The following RYR3 variants were observed in gnomAD, a reference collection of about 807,000 sequenced individuals.
RYR3 encodes ryanodine receptor 3.
RYR3 carries 207 observed loss-of-function variants against 584.3 expected under a neutral mutation model. That is an observed-to-expected ratio of 0.35 (90% CI 0.32 to 0.40). The LOEUF (loss-of-function observed/expected upper bound fraction) is 0.40. Among genes scored for constraint, RYR3 ranks in the 10% least tolerant of loss-of-function variants. The pLI is 1.00. For missense variants in RYR3, 5,616 were observed against 6,089.2 expected, an observed-to-expected ratio of 0.92 and a Z score of 2.59; for synonymous variants, 2,416 against 2,248.5, an observed-to-expected ratio of 1.07 and a Z score of -2.11.
intron 12 of RYR3, among the ~76,000 whole-genome samples, chr15:33,575,291 A>G (rs745520591): frequency 7.2e-5 from 11 of 152,222 alleles, no homozygotes; most frequent in Non-Finnish European, 1.3e-4. Flanking sequence ...AAATGTCTAC[A>G]TAACTCTCCA....
chr15:33,627,278 AAATAAT>A (rs969797191), intron 20 of RYR3, among the ~76,000 whole-genome samples: 11 of 152,290 alleles, frequency 7.2e-5, no homozygotes, highest in Admixed American at 7.2e-4. Flanking sequence ...ATAAACATGA[AAATAAT>A]AATAATAAAA....
intron 99 of RYR3, chr15:33,859,192 A>AG (rs2080068208): frequency 5.7e-6 from 1 of 174,332 alleles, no homozygotes; most frequent in Non-Finnish European, 1.2e-5. Context: ...GATGAAGAAG[A>AG]GGGGGGACCT....
At chr15:33,756,257 T>G (rs771751811) in intron 58 of RYR3, 49 bp from the exon 59 acceptor site, 3 of 1,320,914 alleles carry the variant, frequency 2.3e-6, no homozygotes, top group Non-Finnish European at 2.1e-6. Flanking sequence ...TTGTGACTGA[T>G]TTTTACTTCG....
intron 3 of RYR3, among the ~76,000 whole-genome samples, chr15:33,512,043 G>C (rs1214817618): frequency 6.6e-6 from 1 of 152,212 alleles, no homozygotes; most frequent in Non-Finnish European, 1.5e-5. Context: ...CTTCCAAAGT[G>C]CTGGGATTAC....
chr15:33,461,708 C>T (rs1358940954), intron 1 of RYR3, among the ~76,000 whole-genome samples: 1 of 152,172 alleles, frequency 6.6e-6, no homozygotes, highest in African/African-American at 2.4e-5. Flanking sequence ...GCAGCTCAGC[C>T]TAGGGCAGAA....
intron 17 of RYR3, among the ~76,000 whole-genome samples, chr15:33,601,827 G>A (rs774400126): frequency 5.3e-5 from 8 of 152,208 alleles, no homozygotes; most frequent in Admixed American, 1.3e-4. Flanking sequence ...GTGGCCTACC[G>A]TGTTTTCTTT....
chr15:33,485,122 A>G (rs1466651680), intron 2 of RYR3, among the ~76,000 whole-genome samples: 1 of 152,242 alleles, frequency 6.6e-6, no homozygotes, highest in African/African-American at 2.4e-5. Flanking sequence ...ACAGAAATCA[A>G]GAGAAGAATA....
At chr15:33,695,097 C>T (rs2065741995) in intron 38 of RYR3, among the ~76,000 whole-genome samples, 1 of 152,206 alleles carries the variant, frequency 6.6e-6, no homozygotes, top group Non-Finnish European at 1.5e-5. Context: ...GACTGAGTGA[C>T]CTTCATTGTC....
At chr15:33,616,719 G>T (rs891995712) in intron 19 of RYR3, among the ~76,000 whole-genome samples, 1 of 152,182 alleles carries the variant, frequency 6.6e-6, no homozygotes, top group African/African-American at 2.4e-5. Context: ...GTGTGCAGCG[G>T]GGCTTGAAGT....
chr15:33,498,746 T>C (rs1246424672), intron 2 of RYR3, among the ~76,000 whole-genome samples: 1 of 152,184 alleles, frequency 6.6e-6, no homozygotes, highest in African/African-American at 2.4e-5. Flanking sequence ...TCATAAAATA[T>C]TTGTCCACAC....
chr15:33,473,355 G>A, intron 1 of RYR3, 64 bp from the exon 2 acceptor site: 2 of 1,606,314 alleles, frequency 1.2e-6, no homozygotes, highest in Non-Finnish European at 1.7e-6. Flanking sequence ...GGTACAGGAA[G>A]GTGACTCGGG....
At chr15:33,817,115 G>A (rs1172691868) in intron 75 of RYR3, among the ~76,000 whole-genome samples, 157 bp downstream of exon 75, 3 of 152,326 alleles carry the variant, frequency 2.0e-5, no homozygotes, top group South Asian at 2.1e-4. Flanking sequence ...CCCTGCTAAT[G>A]GTCATAGGAG....
intron 1 of RYR3, among the ~76,000 whole-genome samples, chr15:33,389,858 C>G (rs1474821281): frequency 6.6e-6 from 1 of 152,168 alleles, no homozygotes; most frequent in Non-Finnish European, 1.5e-5. Context: ...TTACATGCAG[C>G]TATTTCACCT....
rs11631818 is a variant in RYR3 at position 33,596,496 on chromosome 15, G to T, written c.1789-4923G>T. On this transcript the variant is annotated intron_variant, in intron 16 of 103. Coordinates refer to ENST00000634891, the MANE Select transcript of RYR3 (RefSeq NM_001036.6). ...ACCAACTCAATATTGTTCTTTTTTT[G>T]GGGGGGGGGGATTTCTGACTTCTTT... is the stretch of plus-strand genomic sequence containing the variant. 7.5e-3 allele frequency among the ~76,000 whole-genome samples: 101 copies of T among 13,420 alleles called. 3 individuals carry two copies. In the East Asian group the frequency reaches 0.13, roughly 18 times the overall value. 8.8% of individuals were successfully genotyped at this position (13,420 alleles called of 152,430 possible).
At chr15:33,695,830 G>A in intron 38 of RYR3, among the ~76,000 whole-genome samples, 1 of 151,182 alleles carries the variant, frequency 6.6e-6, no homozygotes, top group Non-Finnish European at 1.5e-5. Context: ...CTGTTGCCCA[G>A]GCTGCAGTGC....
At chr15:33,375,870 C>T (rs1469552799) in intron 1 of RYR3, among the ~76,000 whole-genome samples, 1 of 152,150 alleles carries the variant, frequency 6.6e-6, no homozygotes, top group Non-Finnish European at 1.5e-5. Flanking sequence ...TGAGACCATC[C>T]TGGCTAACAC....
chr15:33,627,662 G>A (rs1223954075), intron 20 of RYR3, among the ~76,000 whole-genome samples: 1 of 152,242 alleles, frequency 6.6e-6, no homozygotes, highest in East Asian at 1.9e-4. Context: ...CACTGTGTAT[G>A]TGGTTAATAC....
chr15:33,776,638 C>T (rs2074010763), intron 64 of RYR3, among the ~76,000 whole-genome samples: 1 of 152,194 alleles, frequency 6.6e-6, no homozygotes, highest in Admixed American at 6.5e-5. Context: ...CGTGTCCTGC[C>T]CTGTCCCCAC....
intron 45 of RYR3, 78 bp from the exon 46 acceptor site, chr15:33,726,308 G>T: frequency 6.4e-7 from 1 of 1,556,806 alleles, no homozygotes. Flanking sequence ...CCGTTTTACT[G>T]CCAGAGGTTT....
Sources: allele counts gnomAD v4.1 joint callset (sites outside exome capture counted in the v4.1 genomes callset), GRCh38; gene constraint gnomAD v4.1.1; transcripts MANE v1.5; gene names NCBI Gene and HGNC (gene_info 2026-07-23, HGNC 2026-07-21).